ARFGAP2: variants seen among roughly 807,000 people sequenced by gnomAD.
ARFGAP2 encodes ADP-ribosylation factor GTPase-activating protein 2.
Under a neutral mutation model 71.9 loss-of-function variants are expected in ARFGAP2, and 45 were observed. The observed-to-expected ratio is 0.63, with a 90% CI of 0.49 to 0.80. The LOEUF is 0.80. Ranked by LOEUF, ARFGAP2 falls within the 30% of genes least tolerant of loss-of-function variation. The pLI, the probability that ARFGAP2 is intolerant of heterozygous loss-of-function variation, is 0.00. For synonymous variants in ARFGAP2, 248 were observed against 249.2 expected (o/e 1.00, Z 0.05); for missense variants, 633 against 673.9 (o/e 0.94, Z 0.67).
intron 14 of ARFGAP2, 27 bp from the exon 15 acceptor site, chr11:47,166,413 G>C (rs891532696): frequency 3.7e-6 from 6 of 1,612,648 alleles, no homozygotes; most frequent in African/African-American, 1.3e-5. Context: ...GGGTGACCCA[G>C]AGCCCAGCAA....
Position 47,175,287 on chromosome 11 carries a change from G to A in ARFGAP2, c.291C>T (p.Cys97=). ...ATTTGGTGTTGGCATCATTGGCTGTGCATCCATGTTGGCGAAAAAAAGCCG... is the reference window on the plus strand; with the variant it reads ...ATTTGGTGTTGGCATCATTGGCTGTACATCCATGTTGGCGAAAAAAAGCCG... The part of the protein sequence containing the change: ...NATAFFRQHG[C]TANDANTKYN... Residue 97 remains cysteine, a synonymous_variant, in exon 4 of 16, where the codon TGC becomes TGT. Transcript: ENST00000524782. 6.2e-7 allele frequency: 1 copy of A among 1,614,166 alleles called. No homozygotes were observed. The highest frequency in any genetic ancestry group is 1.6e-4 in the Middle Eastern group (1 of 6,062).
At position 47,176,575 on chromosome 11, in the gene ARFGAP2, G is replaced by A; in HGVS notation, c.132C>T (p.Phe44=). ...PSWASITYGV[F]LCIDCSGVHR... is the part of the protein sequence containing the mutation. ...GCACCCCGGAACAGTCAATGCACAA[G>A]AAAACACCGTACGTGATGCTGGCCC... Residue 44 remains phenylalanine (F), a synonymous_variant, in exon 2 of 16, where the codon TTC becomes TTT. Transcript: ENST00000524782. 1.2e-6 allele frequency: 2 copies of A among 1,614,102 alleles called. No homozygotes were observed. The highest frequency in any genetic ancestry group is 1.3e-5 in the African/African-American group (1 of 75,064).
chr11:47,176,859 C>T lies in ARFGAP2; in HGVS notation c.-6G>A. The T allele has an allele frequency of 6.2e-7, 1 of 1,613,074 alleles. No homozygotes were observed. ...TTGTTCGGCTCCGCCGCCATTTTCTCTCCTTCCCAGACACAACCGCGGCTG... is the reference window on the plus strand; with the variant it reads ...TTGTTCGGCTCCGCCGCCATTTTCTTTCCTTCCCAGACACAACCGCGGCTG... On this transcript the variant is annotated 5_prime_UTR_variant, in exon 1 of 16. Transcript: ENST00000524782.
chr11:47,167,852 C>T, intron 12 of ARFGAP2, 57 bp downstream of exon 12: 4 of 1,506,258 alleles, frequency 2.7e-6, no homozygotes, highest in Non-Finnish European at 3.5e-6. Context: ...GAATTCTCTA[C>T]CTTCAGCTTG....
In ARFGAP2 at chr11:47,175,422, G is replaced by A. The variant is rs771620109; in HGVS notation, c.265-109C>T. 4.6e-6 allele frequency: 7 copies of A among 1,521,510 alleles called. No individual in the cohort carries two copies. In the Admixed American group the frequency reaches 5.1e-5, roughly 11 times the overall value. 94.3% of individuals were successfully genotyped at this position (1,521,510 alleles called of 1,614,324 possible). On this transcript the variant is annotated intron_variant, in intron 3 of 15. Coordinates refer to ENST00000524782, the MANE Select transcript of ARFGAP2 (RefSeq NM_032389.6). ...GACAGCGAAGTTATTATCTATACAG[G>A]ATGATACACGCTACTGACACCGGTT...
At chr11:47,166,222 G>C in intron 15 of ARFGAP2, 46 bp downstream of exon 15, 3 of 1,595,904 alleles carry the variant, frequency 1.9e-6, no homozygotes, top group Non-Finnish European at 2.6e-6. Context: ...TGGTGGCGAA[G>C]GGCAAACCTC....
rs60592554 is a variant in ARFGAP2, at chr11:47,171,871, G to GTA, written c.673-73_673-72dup. On this transcript the variant is annotated intron_variant, in intron 8 of 15. Transcript: ENST00000524782. Reference sequence around the variant, plus strand: ...CAGATCCCTCCCAGGTTCAGGCACTGTAGCCACACCCACAAGGAAAAGGCC... The same window carrying GTA: ...CAGATCCCTCCCAGGTTCAGGCACTGTATAGCCACACCCACAAGGAAAAGGCC... 66 of 1,573,838 alleles carry GTA rather than the reference G, an allele frequency of 4.2e-5. No homozygotes were observed. The East Asian group carries it at 1.5e-3, about 35-fold the overall frequency.
chr11:47,176,026 G>C, intron 2 of ARFGAP2, 103 bp from the exon 3 acceptor site: 1 of 1,164,982 alleles, frequency 8.6e-7, no homozygotes, highest in South Asian at 1.3e-5. Context: ...AGGCACCCAG[G>C]AAACATTAAT....
At chr11:47,175,149 C>T (rs770436652) in intron 4 of ARFGAP2, 33 bp downstream of exon 4, 8 of 1,613,982 alleles carry the variant, frequency 5.0e-6, no homozygotes, top group Non-Finnish European at 6.8e-6. Flanking sequence ...TACTCCTAAC[C>T]CTCCTGCCCC....
chr11:47,175,957 G>A (rs766026876), intron 2 of ARFGAP2, 34 bp from the exon 3 acceptor site: 15 of 1,609,892 alleles, frequency 9.3e-6, no homozygotes, highest in African/African-American at 1.3e-5. Flanking sequence ...CCCACTAGCA[G>A]ATACCAGCAG....
At chr11:47,172,421 G>A (rs1952642178) in intron 7 of ARFGAP2, 88 bp from the exon 8 acceptor site, 2 of 1,475,972 alleles carry the variant, frequency 1.4e-6, no homozygotes, top group African/African-American at 2.8e-5. Context: ...CATGGCAAGA[G>A]CTCCTAAGAA....
At position 47,164,483 on chromosome 11, in the gene ARFGAP2, G is replaced by A. The variant is rs560384867; in HGVS notation, c.*999C>T. 2.2e-5 allele frequency: 8 copies of A among 370,302 alleles called. No individual in the cohort carries two copies. The highest frequency in any genetic ancestry group is 1.3e-4 in the Admixed American group (3 of 22,642). The allele number at this position is 370,302 out of a possible 1,614,324, so 22.9% of individuals were successfully genotyped here. A position where few individuals can be genotyped will look rare whatever the true frequency, so the allele number is the denominator to read the frequency against. On this transcript the variant is annotated 3_prime_UTR_variant, in exon 16 of 16. Coordinates refer to ENST00000524782, the MANE Select transcript of ARFGAP2 (RefSeq NM_032389.6). ...AGGTGGGGGCTGGGCTGAGACTGCC[G>A]GTGCGGCAGGGGAAGATGGCACCAA...
rs1336824247 is a variant in ARFGAP2 at position 47,173,759 on chromosome 11, G to A, written c.562C>T (p.Gln188Ter). ...APSTESSGLA[Q>*]PEHGPNTDLL... ...TGGTTGGAATCTGGGCTGAACTCAC[G>A]TGCCAGGCCACTGCTCTCTGTAGAC... is the stretch of plus-strand genomic sequence containing the variant. Residue 188 changes from glutamine (Q) to a stop codon, truncating the protein, a stop_gained and splice_region_variant, in exon 6 of 16, where the codon CAG becomes TAG. Coordinates refer to ENST00000524782, the MANE Select transcript of ARFGAP2 (RefSeq NM_032389.6). LOFTEE classifies it high-confidence loss of function. The A allele has an allele frequency of 6.3e-6, 10 of 1,598,648 alleles. No individual in the cohort carries two copies. Among genetic ancestry groups the A allele is most frequent in the Non-Finnish European group, 6.0e-6 (7 of 1,172,402 alleles).
chr11:47,165,498 C>A lies in ARFGAP2; in HGVS notation c.1550G>T (p.Arg517Leu). ...ANGVMNSLQD[R>L]YGSY The stretch of plus-strand genomic sequence containing the variant: ...GAGCTCGGATCAGTAGGAACCGTAG[C>A]GATCCTGGGGGCGAGGGGGGAGAAA... The change falls in exon 16 of 16, where the codon CGC (arginine) becomes CTC (leucine). Residue 517 changes from arginine (R) to leucine (L), a missense_variant. Coordinates refer to ENST00000524782, the MANE Select transcript of ARFGAP2 (RefSeq NM_032389.6). 1 of 1,558,570 alleles carries A rather than the reference C, an allele frequency of 6.4e-7. No homozygotes were observed. Among genetic ancestry groups the A allele is most frequent in the Non-Finnish European group, 8.7e-7 (1 of 1,153,412 alleles).
rs781160679 is a variant in ARFGAP2, at chr11:47,168,173, C to T, written c.1020G>A (p.Ser340=). ...ETPVSAKSSR[S]QLDLFDDVGT... ...CAACATCGTCAAACAAGTCCAGCTG[C>T]GAGCGAGAGGATTTTGCACTCACTG... is the stretch of plus-strand genomic sequence containing the variant. The change falls in exon 11 of 16, where the codon TCG becomes TCA. Residue 340 remains serine, a synonymous_variant. Coordinates refer to ENST00000524782, the MANE Select transcript of ARFGAP2 (RefSeq NM_032389.6). 60 of 1,614,250 alleles carry T rather than the reference C, an allele frequency of 3.7e-5. No homozygotes were observed. The African/African-American group carries it at 3.7e-4, about 10-fold the overall frequency.
At chr11:47,175,547 G>A in intron 3 of ARFGAP2, 1 of 667,044 alleles carries the variant, frequency 1.5e-6, no homozygotes, top group South Asian at 1.8e-5. Flanking sequence ...CGCTGCCTGA[G>A]CACAACATCC....
At chr11:47,171,315 A>G in intron 10 of ARFGAP2, 111 bp downstream of exon 10, 1 of 1,512,290 alleles carries the variant, frequency 6.6e-7, no homozygotes. Context: ...CAAGTGATCT[A>G]TTCAGACTTG....
At chr11:47,170,323 CAAAAAAAAAAA>C (rs34843394) in intron 10 of ARFGAP2, among the ~76,000 whole-genome samples, 222 of 73,940 alleles carry the variant, frequency 3.0e-3, no homozygotes, top group African/African-American at 0.011. Flanking sequence ...GACTCCATCT[CAAAAAAAAAAA>C]AAAAAAAAAG....
At chr11:47,173,373 T>G (rs57012996) in intron 7 of ARFGAP2, 53 bp downstream of exon 7, 130,251 of 1,546,282 alleles carry the variant, frequency 0.084, 5,691 homozygotes, top group Non-Finnish European at 0.091. Context: ...GAAAAGAACA[T>G]TTGAGGTCCA....
Sources: allele counts gnomAD v4.1 joint callset (sites outside exome capture counted in the v4.1 genomes callset), GRCh38; gene constraint gnomAD v4.1.1; transcripts MANE v1.5; gene names NCBI Gene and HGNC (gene_info 2026-07-23, HGNC 2026-07-21).